Variants in ACLY observed in about 807,000 individuals in gnomAD.
The protein encoded by ACLY is ATP-citrate synthase.
Under a neutral mutation model 133.0 loss-of-function variants are expected in ACLY, and 41 were observed. The observed-to-expected ratio is 0.31, with a 90% CI of 0.24 to 0.40. The LOEUF (loss-of-function observed/expected upper bound fraction) is 0.40. Among genes scored for constraint, ACLY ranks in the 10% least tolerant of loss-of-function variants. ACLY has a pLI of 1.00. For synonymous variants in ACLY, 495 were observed against 549.3 expected, an observed-to-expected ratio of 0.90 and a Z score of 1.38; for missense variants, 1,046 against 1,453.8, an observed-to-expected ratio of 0.72 and a Z score of 4.56.
chr17:41,887,836 T>C, intron 16 of ACLY, 133 bp from the exon 17 acceptor site: 1 of 714,844 alleles, frequency 1.4e-6, no homozygotes. Flanking sequence ...ATGTTAACAA[T>C]ATGCATATCA....
At chr17:41,890,321 T>C (rs904866700) in intron 16 of ACLY, among the ~76,000 whole-genome samples, 1 of 151,908 alleles carries the variant, frequency 6.6e-6, no homozygotes, top group Non-Finnish European at 1.5e-5. Context: ...AAATATGTAA[T>C]ATTTTTATAA....
rs782750636 is a variant in ACLY at position 41,897,829 on chromosome 17, G to A, written c.1349C>T (p.Pro450Leu). ...NASGSTSTPA[P>L]SRTASFSESR... Reference sequence around the variant, plus strand: ...CTCAGAAAAAGATGCTGTCCTGCTGGGGGCTGGCGTCTGGGGTGAGATAAG... The same window carrying A: ...CTCAGAAAAAGATGCTGTCCTGCTGAGGGCTGGCGTCTGGGGTGAGATAAG... The change falls in exon 13 of 29, where the codon CCC becomes CTC. Residue 450 changes from proline (P) to leucine (L), a missense_variant. By Grantham distance (98) the Pro-to-Leu change is moderately conservative. Around this residue, in one of 4 missense-constraint regions of ACLY, gnomAD observed 575 missense variants for 804.2 expected, o/e 0.71. Transcript: ENST00000352035. 1.2e-6 allele frequency: 2 copies of A among 1,613,564 alleles called. No homozygotes were observed. Among genetic ancestry groups the A allele is most frequent in the Admixed American group, 3.3e-5 (2 of 59,938 alleles).
chr17:41,897,696 G>A, intron 13 of ACLY, 53 bp downstream of exon 13: 1 of 1,523,494 alleles, frequency 6.6e-7, no homozygotes, highest in Admixed American at 1.9e-5. Flanking sequence ...GAGAGATACA[G>A]AGGGTACCGC....
intron 16 of ACLY, among the ~76,000 whole-genome samples, chr17:41,891,171 A>G (rs1555629202): frequency 6.6e-6 from 1 of 152,130 alleles, no homozygotes; most frequent in Non-Finnish European, 1.5e-5. Context: ...ACTAGCTGGG[A>G]CTAGTGAGTG....
chr17:41,907,103 G>A (rs2049742055), intron 7 of ACLY, among the ~76,000 whole-genome samples: 1 of 152,146 alleles, frequency 6.6e-6, no homozygotes, highest in Non-Finnish European at 1.5e-5. Flanking sequence ...AGGACAGAGT[G>A]GGAAAGAGCA....
chr17:41,909,921 C>G (rs1311413698), intron 4 of ACLY, among the ~76,000 whole-genome samples: 4 of 152,166 alleles, frequency 2.6e-5, no homozygotes, highest in Non-Finnish European at 4.4e-5. Context: ...GGCTGGTGGT[C>G]CAGACTGAAT....
intron 1 of ACLY, among the ~76,000 whole-genome samples, chr17:41,927,150 G>C (rs187494205): frequency 1.3e-5 from 2 of 152,198 alleles, no homozygotes; most frequent in African/African-American, 4.8e-5. Context: ...TTACAGGCTT[G>C]AGCCACCATG....
chr17:41,909,364 TGCACCCA>T (rs2049826206), intron 5 of ACLY, 139 bp downstream of exon 5: 2 of 870,050 alleles, frequency 2.3e-6, no homozygotes, highest in African/African-American at 3.4e-5. Context: ...GTCCCCGCCC[TGCACCCA>T]GCTGTCTTCC....
intron 17 of ACLY, 143 bp downstream of exon 17, chr17:41,887,456 G>A: frequency 1.5e-6 from 1 of 671,076 alleles, no homozygotes. Flanking sequence ...AGCTAAAAAT[G>A]GACAGACTGA....
At chr17:41,922,839 T>C (rs1253405627), upstream of ACLY, among the ~76,000 whole-genome samples, 2 of 152,120 alleles carry the variant, frequency 1.3e-5, no homozygotes, top group Non-Finnish European at 2.9e-5. Flanking sequence ...GGGGAAGAGG[T>C]GCTGGCCAGA....
chr17:41,898,189 T>G (rs2049427695), intron 12 of ACLY, among the ~76,000 whole-genome samples: 1 of 152,214 alleles, frequency 6.6e-6, no homozygotes, highest in Non-Finnish European at 1.5e-5. Flanking sequence ...CACAGCTCAC[T>G]GCAACCTCCG....
Position 41,906,604 on chromosome 17 carries a change from G to A in ACLY, c.790C>T (p.Leu264=), listed in dbSNP as rs2144381188. ...TTGGGGTTCAGCAAGGTCAGCTTCA[G>A]GCTTGCCCCACTTTTGGCATCGAGG... ...ADLDAKSGAS[L]KLTLLNPKGR... Residue 264 remains leucine (L), a synonymous_variant, in exon 8 of 29, where the codon CTG becomes TTG. Transcript: ENST00000352035. 1 of 1,614,216 alleles carries A rather than the reference G, an allele frequency of 6.2e-7. No homozygotes were observed. The highest frequency in any genetic ancestry group is 8.5e-7 in the Non-Finnish European group (1 of 1,180,038).
intron 1 of ACLY, among the ~76,000 whole-genome samples, 193 bp from the exon 2 acceptor site, chr17:41,914,089 A>G (rs1312727492): frequency 6.6e-6 from 1 of 152,272 alleles, no homozygotes; most frequent in Non-Finnish European, 1.5e-5. Flanking sequence ...TTGCCAGCAG[A>G]GGAAGAAGAT....
chr17:41,907,902 C>T (rs1184298677), intron 6 of ACLY, among the ~76,000 whole-genome samples: 1 of 152,128 alleles, frequency 6.6e-6, no homozygotes, highest in Non-Finnish European at 1.5e-5. Flanking sequence ...ACCCATGGTC[C>T]GGCCACTTTT....
intron 16 of ACLY, among the ~76,000 whole-genome samples, chr17:41,891,700 T>C (rs1225412119): frequency 6.6e-6 from 1 of 152,068 alleles, no homozygotes; most frequent in African/African-American, 2.4e-5. Context: ...TATTTTACTT[T>C]ATTTAATTTT....
At chr17:41,904,492 G>T (rs1306026254) in intron 10 of ACLY, 6 of 535,406 alleles carry the variant, frequency 1.1e-5, no homozygotes, top group African/African-American at 7.6e-5. Context: ...CCATGCTTCA[G>T]GTGGGAGAGT....
chr17:41,888,474 A>T (rs1555628675), intron 16 of ACLY, among the ~76,000 whole-genome samples: 1 of 152,140 alleles, frequency 6.6e-6, no homozygotes, highest in African/African-American at 2.4e-5. Context: ...CGTTTAAGAG[A>T]AATGAGCTGC....
intron 20 of ACLY, among the ~76,000 whole-genome samples, chr17:41,880,109 C>T (rs1190469546): frequency 5.9e-5 from 9 of 152,160 alleles, no homozygotes; most frequent in African/African-American, 2.2e-4. Flanking sequence ...GGATGGGGTG[C>T]AGAGAGTAAT....
chr17:41,907,187 G>C (rs191094181), intron 7 of ACLY, among the ~76,000 whole-genome samples: 109 of 152,284 alleles, frequency 7.2e-4, no homozygotes, highest in Non-Finnish European at 1.0e-3. Context: ...GAATCATGGA[G>C]AGGCAACAAA....
Sources: gnomAD v4.1 joint callset for allele counts (sites outside exome capture counted in the v4.1 genomes callset) on GRCh38, gnomAD v4.1.1 for gene constraint, gnomAD v4.1.1 regional missense constraint, MANE v1.5 for transcripts, NCBI Gene and HGNC (gene_info 2026-07-23, HGNC 2026-07-21) for gene names.